HDHD5: variants seen among roughly 807,000 people sequenced by gnomAD.
The protein encoded by HDHD5 is haloacid dehalogenase-like hydrolase domain-containing 5.
In HDHD5, 34 loss-of-function variants were observed where a neutral mutation model predicts 35.5. That is an observed-to-expected ratio of 0.96 (90% CI 0.73 to 1.28). The LOEUF is 1.28. Ranked by LOEUF, HDHD5 falls within the 50% of genes most tolerant of loss-of-function variation. The pLI is 0.00. For synonymous variants in HDHD5, 248 were observed against 240.6 expected, an observed-to-expected ratio of 1.03 and a Z score of -0.29; for missense variants, 589 against 560.2, an observed-to-expected ratio of 1.05 and a Z score of -0.52.
At chr22:17,160,969 G>A (rs1052593060), upstream of HDHD5, among the ~76,000 whole-genome samples, 2 of 150,994 alleles carry the variant, frequency 1.3e-5, no homozygotes, top group Non-Finnish European at 3.0e-5. Flanking sequence ...CTCCTCAAAA[G>A]CATAGCCAGG....
At chr22:17,157,076 T>TCACACACACACACACACA (rs779244919) in intron 1 of HDHD5, among the ~76,000 whole-genome samples, 666 of 56,088 alleles carry the variant, frequency 0.012, 4 homozygotes, top group Admixed American at 0.031. Flanking sequence ...AGACACCGTC[T>TCACACACACACACACACA]CACACACATA....
At chr22:17,143,152 G>A (rs780871971) in intron 4 of HDHD5, 21 bp from the exon 5 acceptor site, 2 of 1,605,486 alleles carry the variant, frequency 1.2e-6, no homozygotes, top group Non-Finnish European at 1.7e-6. Context: ...ACAAAGGAGA[G>A]GCTATCAACA....
At position 17,138,326 on chromosome 22, in the gene HDHD5, T is replaced by C; in HGVS notation, c.967A>G (p.Asn323Asp). ...TTCTGCAGGTACTGGTGGAACAGGT[T>C]GGCGCCGTATACGTCAGACATAGGG... The part of the protein sequence containing the change: ...DNPMSDVYGA[N>D]LFHQYLQKAT... Residue 323 changes from asparagine to aspartate, a missense_variant, in exon 8 of 8, where the codon AAC becomes GAC. By Grantham distance (23) the Asn-to-Asp change is conservative. Transcript: ENST00000336737. 1 of 1,613,942 alleles carries C rather than the reference T, an allele frequency of 6.2e-7. No individual in the cohort carries two copies. The highest frequency in any genetic ancestry group is 8.5e-7 in the Non-Finnish European group (1 of 1,179,994).
Position 17,159,229 on chromosome 22 carries a change from G to T in HDHD5, c.23C>A (p.Ala8Asp). 2 of 1,193,602 alleles carry T rather than the reference G, an allele frequency of 1.7e-6. No homozygotes were observed. The highest frequency in any genetic ancestry group is 2.1e-6 in the Non-Finnish European group (2 of 965,900). 73.9% of individuals were successfully genotyped at this position (1,193,602 alleles called of 1,614,324 possible). A position where few individuals can be genotyped will look rare whatever the true frequency, so the allele number is the denominator to read the frequency against. The change falls in exon 1 of 8, where the codon GCT becomes GAT. Residue 8 changes from alanine to aspartate, a missense_variant. By Grantham distance (126) the Ala-to-Asp change is moderately radical. Transcript: ENST00000336737. MAAWGCVAALGAARGLCW... is the reference protein window; with the variant it reads MAAWGCVDALGAARGLCW... ...AAGCCCACGCGCCGCGCCGAGCGCA[G>T]CCACACAGCCCCACGCAGCCATCCG...
intron 1 of HDHD5, 104 bp from the exon 2 acceptor site, chr22:17,149,849 C>T: frequency 4.2e-6 from 4 of 945,960 alleles, no homozygotes; most frequent in Non-Finnish European, 4.7e-6. Context: ...CCCTTGAAAA[C>T]CTATGTCAGA....
intron 1 of HDHD5, among the ~76,000 whole-genome samples, chr22:17,165,010 C>G (rs1422163438): frequency 6.6e-6 from 1 of 152,174 alleles, no homozygotes; most frequent in African/African-American, 2.4e-5. Context: ...CTCACTGTCT[C>G]TCTCTCTTTC....
At chr22:17,156,168 A>G (rs1232847608) in intron 1 of HDHD5, among the ~76,000 whole-genome samples, 1 of 152,216 alleles carries the variant, frequency 6.6e-6, no homozygotes, top group African/African-American at 2.4e-5. Context: ...CGCAGATGAC[A>G]GTTCCATGCA....
chr22:17,145,080 G>C lies in HDHD5; in HGVS notation c.481C>G (p.Arg161Gly). ...FRNVVTVDEL[R>G]MAFPLLDMVD... Reference sequence around the variant, plus strand: ...ATGTCAAGCAGAGGAAAGGCCATCCGCAGCTCATCCACGGTGACGACATTT... The same window carrying C: ...ATGTCAAGCAGAGGAAAGGCCATCCCCAGCTCATCCACGGTGACGACATTT... The change falls in exon 4 of 8, where the codon CGG (arginine) becomes GGG (glycine). Residue 161 changes from arginine to glycine, a missense_variant. Transcript: ENST00000336737. 6.2e-7 allele frequency: 1 copy of C among 1,613,984 alleles called. No individual in the cohort carries two copies. The highest frequency in any genetic ancestry group is 2.2e-5 in the East Asian group (1 of 44,828).
intron 3 of HDHD5, 31 bp downstream of exon 3, chr22:17,148,417 C>T (rs756353122): frequency 1.3e-6 from 2 of 1,568,032 alleles, no homozygotes; most frequent in Admixed American, 3.3e-5. Context: ...CTGCCCCTTC[C>T]CTTCAGCCAG....
intron 1 of HDHD5, among the ~76,000 whole-genome samples, chr22:17,151,727 T>TAAAAAAAAAAAAAAAAAAA (rs59104154): frequency 8.8e-6 from 1 of 113,124 alleles, no homozygotes; most frequent in Non-Finnish European, 1.7e-5. Flanking sequence ...TAGACTCTAC[T>TAAAAAAAAAAAAAAAAAAA]AAAAAAAAAA....
At chr22:17,156,909 C>T (rs2061799057) in intron 1 of HDHD5, among the ~76,000 whole-genome samples, 1 of 151,850 alleles carries the variant, frequency 6.6e-6, no homozygotes, top group African/African-American at 2.4e-5. Context: ...GAAACCCCGT[C>T]TCTACTAAAA....
At chr22:17,162,874 C>T (rs2061872373), upstream of HDHD5, among the ~76,000 whole-genome samples, 3 of 152,232 alleles carry the variant, frequency 2.0e-5, no homozygotes, top group South Asian at 6.2e-4. Flanking sequence ...ATCCTTTGGG[C>T]AGTGCTGAAT....
Position 17,142,932 on chromosome 22 carries a change from A to T in HDHD5, c.571+166T>A, listed in dbSNP as rs1330195844. ...GCATGGGGAAGGAAAGACTAACAAC[A>T]GTCTCAGAGGTGGTAAGTGGCAGAT... On this transcript the variant is annotated intron_variant, in intron 5 of 7. Coordinates refer to ENST00000336737, the MANE Select transcript of HDHD5 (RefSeq NM_033070.3). 4.7e-6 allele frequency: 3 copies of T among 633,662 alleles called. No individual in the cohort carries two copies. The African/African-American group carries it at 5.7e-5, about 12-fold the overall frequency. 39.3% of individuals were successfully genotyped at this position (633,662 alleles called of 1,614,324 possible). A position where few individuals can be genotyped will look rare whatever the true frequency, so the allele number is the denominator to read the frequency against.
chr22:17,151,747 A>G (rs1194038319), intron 1 of HDHD5, among the ~76,000 whole-genome samples: 5 of 132,422 alleles, frequency 3.8e-5, no homozygotes, highest in Non-Finnish European at 6.6e-5. Flanking sequence ...AAAAAAAAAA[A>G]AAAAAGAAGA....
intron 1 of HDHD5, among the ~76,000 whole-genome samples, chr22:17,154,742 C>G (rs1303241144): frequency 1.3e-5 from 2 of 151,340 alleles, no homozygotes; most frequent in Non-Finnish European, 2.9e-5. Context: ...CCTGCTTCAG[C>G]TTCCCAAGTA....
intron 3 of HDHD5, among the ~76,000 whole-genome samples, chr22:17,147,640 C>T (rs1162360981): frequency 2.0e-5 from 3 of 147,270 alleles, no homozygotes; most frequent in South Asian, 2.2e-4. Flanking sequence ...CACACGCCAT[C>T]GCACACGCCC....
intron 6 of HDHD5, among the ~76,000 whole-genome samples, chr22:17,140,657 G>C (rs2061589573): frequency 1.3e-5 from 2 of 152,110 alleles, no homozygotes; most frequent in Non-Finnish European, 2.9e-5. Context: ...AGGGTAAAAG[G>C]AAACCAGAAA....
chr22:17,159,286 G>GGCC (rs1555882038), upstream of HDHD5: 6 of 1,039,830 alleles, frequency 5.8e-6, no homozygotes, highest in Non-Finnish European at 7.0e-6. Flanking sequence ...ACGGCGTGCG[G>GGCC]CCCCCCCCCC....
At chr22:17,139,002 G>A (rs1457562194) in intron 6 of HDHD5, among the ~76,000 whole-genome samples, 1 of 152,196 alleles carries the variant, frequency 6.6e-6, no homozygotes, top group Non-Finnish European at 1.5e-5. Flanking sequence ...GGCAGAGCTA[G>A]GATTACAACT....
Sources: allele counts gnomAD v4.1 joint callset (sites outside exome capture counted in the v4.1 genomes callset), GRCh38; gene constraint gnomAD v4.1.1; transcripts MANE v1.5; gene names NCBI Gene and HGNC (gene_info 2026-07-23, HGNC 2026-07-21).